PRKN: variants seen among roughly 807,000 people sequenced by gnomAD.
The protein encoded by PRKN is parkin RBR E3 ubiquitin protein ligase, also known as E3 ubiquitin-protein ligase parkin.
Under a neutral mutation model 59.5 loss-of-function variants are expected in PRKN, and 56 were observed. That is an observed-to-expected ratio of 0.94 (90% CI 0.76 to 1.18). PRKN has a LOEUF of 1.18. PRKN is among the 50% of genes most tolerant of loss of function. PRKN has a pLI of 0.00. For missense variants in PRKN, 657 were observed against 596.4 expected, an observed-to-expected ratio of 1.10 and a Z score of -1.06; for synonymous variants, 250 against 222.1, an observed-to-expected ratio of 1.13 and a Z score of -1.12.
At chr6:161,801,892 G>A (rs541494280) in intron 6 of PRKN, among the ~76,000 whole-genome samples, 1 of 152,284 alleles carries the variant, frequency 6.6e-6, no homozygotes, top group African/African-American at 2.4e-5. Context: ...TTGCATACAA[G>A]CAGGTATTTC....
At chr6:161,415,538 TC>T (rs964598724) in intron 9 of PRKN, among the ~76,000 whole-genome samples, 1 of 146,576 alleles carries the variant, frequency 6.8e-6, no homozygotes, top group African/African-American at 2.5e-5. Flanking sequence ...CGCAGAGCCT[TC>T]CAGGTGTTAT....
chr6:162,489,433 T>C (rs1792704369), intron 1 of PRKN, among the ~76,000 whole-genome samples: 1 of 152,306 alleles, frequency 6.6e-6, no homozygotes, highest in African/African-American at 2.4e-5. Flanking sequence ...TTCAACTGCC[T>C]GCACTGAGGA....
At chr6:162,345,816 T>A (rs1784378570) in intron 2 of PRKN, among the ~76,000 whole-genome samples, 1 of 152,150 alleles carries the variant, frequency 6.6e-6, no homozygotes, top group Admixed American at 6.5e-5. Context: ...CTTTCCAACC[T>A]TGAAACTTGC....
chr6:162,345,996 A>G (rs1201051568), intron 2 of PRKN, among the ~76,000 whole-genome samples: 1 of 152,052 alleles, frequency 6.6e-6, no homozygotes, highest in Admixed American at 6.6e-5. Context: ...GAGAAAGGAG[A>G]TCTTAGCTGG....
chr6:162,161,764 C>T (rs1194948276), intron 4 of PRKN, among the ~76,000 whole-genome samples: 2 of 152,130 alleles, frequency 1.3e-5, no homozygotes, highest in African/African-American at 2.4e-5. Context: ...ATCAGGTAGG[C>T]ATTTTATCAA....
chr6:162,146,712 C>T (rs1284640620), intron 4 of PRKN, among the ~76,000 whole-genome samples: 14 of 151,860 alleles, frequency 9.2e-5, no homozygotes, highest in South Asian at 2.1e-4. Context: ...ACCATGTTGG[C>T]CAGGTTGGTC....
chr6:162,210,735 A>G (rs1416803704), intron 3 of PRKN, among the ~76,000 whole-genome samples: 1 of 152,186 alleles, frequency 6.6e-6, no homozygotes, highest in African/African-American at 2.4e-5. Flanking sequence ...TAAGAGATAC[A>G]GGGGTGGACT....
At chr6:161,773,432 C>T (rs917533404) in intron 7 of PRKN, among the ~76,000 whole-genome samples, 4 of 152,150 alleles carry the variant, frequency 2.6e-5, no homozygotes, top group African/African-American at 7.2e-5. Flanking sequence ...ATTCTACTAT[C>T]TGTTTATCTA....
rs550292043 is a variant in PRKN at position 162,509,325 on chromosome 6, C to A, written c.8-65852G>T. ...TTTGGCACAGACAGCCCATTCTATACATACTGATTAAGATTTTACTATAAG... is the reference window on the plus strand; with the variant it reads ...TTTGGCACAGACAGCCCATTCTATAAATACTGATTAAGATTTTACTATAAG... On this transcript the variant is annotated intron_variant, in intron 1 of 11. Coordinates refer to ENST00000366898, the MANE Select transcript of PRKN (RefSeq NM_004562.3). Among the ~76,000 whole-genome samples the A allele has an allele frequency of 6.2e-4, 94 of 152,162 alleles. 1 individual carries two copies. The highest frequency in any genetic ancestry group is 1.1e-3 in the Non-Finnish European group (73 of 68,026).
intron 3 of PRKN, among the ~76,000 whole-genome samples, chr6:162,207,604 C>T (rs1000380671): frequency 4.6e-5 from 7 of 152,254 alleles, no homozygotes; most frequent in South Asian, 4.1e-4. Context: ...CCCATCTTTC[C>T]GTCTCACTAT....
chr6:162,051,260 C>G (rs1777627730), intron 5 of PRKN, among the ~76,000 whole-genome samples: 1 of 152,086 alleles, frequency 6.6e-6, no homozygotes, highest in Non-Finnish European at 1.5e-5. Flanking sequence ...AATTCACACC[C>G]AGGAGAGGCC....
At chr6:161,968,541 T>C (rs1224137221) in intron 6 of PRKN, among the ~76,000 whole-genome samples, 1 of 152,140 alleles carries the variant, frequency 6.6e-6, no homozygotes, top group Non-Finnish European at 1.5e-5. Context: ...ACAATTTTAT[T>C]TTTATTTCTC....
intron 6 of PRKN, among the ~76,000 whole-genome samples, chr6:161,830,838 G>T (rs1792468287): frequency 2.0e-5 from 3 of 152,062 alleles, no homozygotes; most frequent in African/African-American, 7.2e-5. Flanking sequence ...GATTCTGTTT[G>T]CTTTGTCCGC....
intron 7 of PRKN, among the ~76,000 whole-genome samples, chr6:161,700,860 C>T (rs1228397010): frequency 6.6e-6 from 1 of 152,104 alleles, no homozygotes; most frequent in Non-Finnish European, 1.5e-5. Context: ...AGATCTGATC[C>T]AATTTGGGAC....
At chr6:162,027,311 G>A (rs369307188) in intron 5 of PRKN, among the ~76,000 whole-genome samples, 2 of 150,910 alleles carry the variant, frequency 1.3e-5, no homozygotes, top group African/African-American at 4.9e-5. Context: ...ATCTTGACAT[G>A]TTTCAATGTT....
At position 162,582,852 on chromosome 6, in the gene PRKN, T is replaced by C. The variant is rs567194289; in HGVS notation, c.8-139379A>G. ...GAAAATAAGCCTTTAAGTTCTTACT[T>C]TGCTATGCTTCCTTGCTATATGGAA... On this transcript the variant is annotated intron_variant, in intron 1 of 11. Transcript: ENST00000366898. Among the ~76,000 whole-genome samples the C allele has an allele frequency of 1.1e-4, 16 of 152,328 alleles. No individual in the cohort carries two copies. The South Asian group carries it at 3.3e-3, about 32-fold the overall frequency.
intron 2 of PRKN, among the ~76,000 whole-genome samples, chr6:162,304,531 CTATCTATCTATCTATTT>C (rs1562655129): frequency 0.027 from 3,625 of 133,204 alleles, 227 homozygotes; most frequent in African/African-American, 0.071. Context: ...ATCTATCTAT[CTATCTATCTATCTATTT>C]ATCCATCTGT....
chr6:162,022,849 GC>G (rs1783261386), intron 5 of PRKN, among the ~76,000 whole-genome samples: 1 of 152,150 alleles, frequency 6.6e-6, no homozygotes, highest in Non-Finnish European at 1.5e-5. Flanking sequence ...GTGAGAGGAA[GC>G]GTTCCAGTTT....
intron 9 of PRKN, among the ~76,000 whole-genome samples, chr6:161,474,823 C>T (rs1387612833): frequency 2.0e-5 from 3 of 151,644 alleles, no homozygotes; most frequent in Admixed American, 6.6e-5. Flanking sequence ...AGGATGGTCT[C>T]GATCTCCTGA....
Sources: gnomAD v4.1 joint callset for allele counts (sites outside exome capture counted in the v4.1 genomes callset) on GRCh38, gnomAD v4.1.1 for gene constraint, MANE v1.5 for transcripts, NCBI Gene and HGNC (gene_info 2026-07-23, HGNC 2026-07-21) for gene names.